Variants in CDH6 observed in about 807,000 individuals in gnomAD.
CDH6 encodes cadherin-6.
A neutral mutation model predicts 78.0 loss-of-function variants in CDH6; 31 were observed. The observed-to-expected ratio is 0.40, with a 90% CI of 0.30 to 0.54. CDH6 has a LOEUF of 0.54. CDH6 is among the 20% of genes least tolerant of loss of function. The pLI is 0.56. For synonymous variants in CDH6, 376 were observed against 368.8 expected, an observed-to-expected ratio of 1.02 and a Z score of -0.23; for missense variants, 724 against 975.9, an observed-to-expected ratio of 0.74 and a Z score of 3.44.
At chr5:31,248,804 G>A (rs1379215771) in intron 1 of CDH6, among the ~76,000 whole-genome samples, 1 of 152,116 alleles carries the variant, frequency 6.6e-6, no homozygotes, top group African/African-American at 2.4e-5. Context: ...ATTGTCTCTA[G>A]AAAAGGATTT....
intron 1 of CDH6, among the ~76,000 whole-genome samples, chr5:31,236,587 T>C (rs1741460094): frequency 6.6e-6 from 1 of 152,144 alleles, no homozygotes; most frequent in South Asian, 2.1e-4. Context: ...CATTAAATCC[T>C]CTCCAACTTT....
At chr5:31,317,555 G>A in intron 10 of CDH6, 63 bp downstream of exon 10, 2 of 1,484,922 alleles carry the variant, frequency 1.3e-6, no homozygotes, top group Non-Finnish European at 1.9e-6. Flanking sequence ...GTTTCTGTAT[G>A]TATATGTGTA....
Position 31,302,223 on chromosome 5 carries a change from A to T in CDH6, c.924A>T (p.Thr308=), listed in dbSNP as rs144168619. ...ATGCTGAAATTGAGTACAGCATCAC[A>T]GACGGTGAGGGGCTGGATATGTTTG... The part of the protein sequence containing the change: ...GENAEIEYSI[T]DGEGLDMFDV... The change falls in exon 6 of 12, where the codon ACA becomes ACT. Residue 308 remains threonine (T), a synonymous_variant. Coordinates refer to ENST00000265071, the MANE Select transcript of CDH6 (RefSeq NM_004932.4). The T allele has an allele frequency of 2.5e-6, 4 of 1,614,110 alleles. No homozygotes were observed. In the East Asian group the frequency reaches 8.9e-5, roughly 36 times the overall value.
intron 1 of CDH6, among the ~76,000 whole-genome samples, chr5:31,230,352 G>A (rs1414297210): frequency 6.6e-6 from 1 of 152,172 alleles, no homozygotes; most frequent in Non-Finnish European, 1.5e-5. Context: ...AACCATCACA[G>A]GCAGAGAATA....
intron 2 of CDH6, among the ~76,000 whole-genome samples, chr5:31,290,357 C>T (rs1464266061): frequency 1.3e-5 from 2 of 152,210 alleles, no homozygotes; most frequent in Non-Finnish European, 2.9e-5. Flanking sequence ...AGTAAAAAGT[C>T]TTACCAGCGA....
intron 6 of CDH6, among the ~76,000 whole-genome samples, chr5:31,302,776 G>A (rs1473063925): frequency 2.1e-4 from 11 of 51,698 alleles, no homozygotes; most frequent in South Asian, 7.1e-4. Context: ...AAAGAAAGAA[G>A]AAAGAGAGAG....
At chr5:31,269,286 G>A (rs77179999) in intron 2 of CDH6, among the ~76,000 whole-genome samples, 1 of 148,682 alleles carries the variant, frequency 6.7e-6, no homozygotes, top group African/African-American at 2.5e-5. Context: ...AAAAAAGCGG[G>A]GGGGGCAGGT....
intron 2 of CDH6, among the ~76,000 whole-genome samples, chr5:31,291,347 G>T (rs1018974339): frequency 2.6e-5 from 4 of 152,198 alleles, no homozygotes; most frequent in East Asian, 3.9e-4. Context: ...AGTTAATAAC[G>T]GTAGCACTCT....
At chr5:31,264,660 A>G (rs901506605) in intron 1 of CDH6, among the ~76,000 whole-genome samples, 5 of 152,226 alleles carry the variant, frequency 3.3e-5, no homozygotes, top group Non-Finnish European at 7.3e-5. Flanking sequence ...AAAAACTAAC[A>G]TCAAATATGA....
At chr5:31,291,461 A>C (rs1187785087) in intron 2 of CDH6, among the ~76,000 whole-genome samples, 1 of 152,226 alleles carries the variant, frequency 6.6e-6, no homozygotes, top group East Asian at 1.9e-4. Flanking sequence ...CTTCAATTAG[A>C]TCTTCACAAC....
At chr5:31,256,814 C>T (rs1742068343) in intron 1 of CDH6, among the ~76,000 whole-genome samples, 1 of 152,146 alleles carries the variant, frequency 6.6e-6, no homozygotes, top group African/African-American at 2.4e-5. Flanking sequence ...AATTGGTAAA[C>T]TGGCCGCCTC....
rs1738612987 is a variant in CDH6, at chr5:31,325,833, T to G, written c.*2525T>G. 1 of 231,266 alleles carries G rather than the reference T, an allele frequency of 4.3e-6. No individual in the cohort carries two copies. The highest frequency in any genetic ancestry group is 2.2e-5 in the African/African-American group (1 of 45,250). The allele number at this position is 231,266 out of a possible 1,614,324, so 14.3% of individuals were successfully genotyped here. Reference sequence around the variant, plus strand: ...GTAAATTTATAGGAAATTGGATAATTTGAGACTGGGGCTAAATATTTAGTA... The same window carrying G: ...GTAAATTTATAGGAAATTGGATAATGTGAGACTGGGGCTAAATATTTAGTA... On this transcript the variant is annotated 3_prime_UTR_variant, in exon 12 of 12. Transcript: ENST00000265071.
chr5:31,319,947 G>A (rs1205707837), intron 11 of CDH6, among the ~76,000 whole-genome samples: 7 of 152,072 alleles, frequency 4.6e-5, no homozygotes, highest in Admixed American at 6.5e-5. Context: ...GGCTTAGAAC[G>A]GTCAAATCAT....
rs2090121506 is a variant in CDH6, at chr5:31,304,027, G to A, written c.1000-1147G>A. Among the ~76,000 whole-genome samples, 4 of 152,166 alleles carry A rather than the reference G, an allele frequency of 2.6e-5. No individual in the cohort carries two copies. In the South Asian group the frequency reaches 8.3e-4, roughly 32 times the overall value. On this transcript the variant is annotated intron_variant, in intron 6 of 11. Coordinates refer to ENST00000265071, the MANE Select transcript of CDH6 (RefSeq NM_004932.4). The stretch of plus-strand genomic sequence containing the variant: ...ATCTAAAACTAAAAGTCAGCAATAA[G>A]CATTTGGGTTCACCATGTCTCCAAA...
chr5:31,317,888 C>G lies in CDH6; in HGVS notation c.1846C>G (p.Leu616Val). 6.2e-7 allele frequency: 1 copy of G among 1,613,958 alleles called. No homozygotes were observed. The highest frequency in any genetic ancestry group is 8.5e-7 in the Non-Finnish European group (1 of 1,180,020). The change falls in exon 11 of 12, where the codon CTG becomes GTG. Residue 616 changes from leucine to valine, a missense_variant. Leu to Val is a conservative substitution (Grantham distance 32). Around this residue, in one of 3 missense-constraint regions of CDH6, gnomAD observed 220 missense variants for 240.6 expected, o/e 0.91. Coordinates refer to ENST00000265071, the MANE Select transcript of CDH6 (RefSeq NM_004932.4). Reference sequence around the variant, plus strand: ...CCCCACGGGACTGAGCACGGGGGCTCTGGTTGCCATCCTTCTGTGCATCGT... The same window carrying G: ...CCCCACGGGACTGAGCACGGGGGCTGTGGTTGCCATCCTTCTGTGCATCGT... Reference protein sequence around the residue: ...IHPTGLSTGALVAILLCIVIL... With the variant: ...IHPTGLSTGAVVAILLCIVIL...
intron 1 of CDH6, among the ~76,000 whole-genome samples, chr5:31,199,924 T>G (rs1740304472): frequency 6.6e-6 from 1 of 151,906 alleles, no homozygotes; most frequent in South Asian, 2.1e-4. Context: ...TTAGCCCTTT[T>G]TTGGTTTGAA....
Position 31,322,933 on chromosome 5 carries a change from G to A in CDH6, c.1998G>A (p.Glu666=), listed in dbSNP as rs141781390. The A allele has an allele frequency of 9.7e-5, 157 of 1,614,014 alleles. No individual in the cohort carries two copies. Among genetic ancestry groups the A allele is most frequent in the Admixed American group, 3.3e-5 (2 of 60,004 alleles). The change falls in exon 12 of 12, where the codon GAG becomes GAA. Residue 666 remains glutamate, a synonymous_variant. Coordinates refer to ENST00000265071, the MANE Select transcript of CDH6 (RefSeq NM_004932.4). ...IVSYNDEGGG[E]EDTQAFDIGT... ...GTTACAACGACGAAGGTGGTGGAGA[G>A]GAGGACACCCAGGCTTTTGATATCG...
chr5:31,302,625 ATC>A (rs1422460511), intron 6 of CDH6, among the ~76,000 whole-genome samples: 2 of 150,274 alleles, frequency 1.3e-5, no homozygotes, highest in Non-Finnish European at 3.0e-5. Context: ...AGGCAAGAGG[ATC>A]GCTTGAGCCT....
Position 31,302,148 on chromosome 5 carries a change from G to C in CDH6, c.849G>C (p.Pro283=). 6.2e-7 allele frequency: 1 copy of C among 1,613,446 alleles called. No homozygotes were observed. Among genetic ancestry groups the C allele is most frequent in the Non-Finnish European group, 8.5e-7 (1 of 1,179,534 alleles). Residue 283 remains proline, a synonymous_variant, in exon 6 of 12, where the codon CCG becomes CCC. Coordinates refer to ENST00000265071, the MANE Select transcript of CDH6 (RefSeq NM_004932.4). ...TTAAAACTCCTGAATCTTCTCCACC[G>C]GGGACACCAATTGGCAGAATCAAAG... ...YQFKTPESSP[P]GTPIGRIKAS... is the part of the protein sequence containing the mutation.
Sources: allele counts gnomAD v4.1 joint callset (sites outside exome capture counted in the v4.1 genomes callset), GRCh38; gene constraint gnomAD v4.1.1; regional missense constraint gnomAD v4.1.1; transcripts MANE v1.5; gene names NCBI Gene and HGNC (gene_info 2026-07-23, HGNC 2026-07-21).